The following BLM variants were observed in gnomAD, a reference collection of about 807,000 sequenced individuals.
BLM encodes BLM RecQ like helicase.
In BLM, 95 loss-of-function variants were observed where a neutral mutation model predicts 135.3. That is an observed-to-expected ratio of 0.70 (90% CI 0.59 to 0.83). The LOEUF is 0.83. BLM is among the 40% of genes least tolerant of loss of function. BLM has a pLI of 0.00. For synonymous variants in BLM, 520 were observed against 589.2 expected, an observed-to-expected ratio of 0.88 and a Z score of 1.70; for missense variants, 1,518 against 1,663.9, an observed-to-expected ratio of 0.91 and a Z score of 1.53.
chr15:90,738,206 C>G (rs889455615), intron 1 of BLM, among the ~76,000 whole-genome samples: 13 of 152,134 alleles, frequency 8.5e-5, no homozygotes, highest in Admixed American at 8.5e-4. Flanking sequence ...GATGGCCTCA[C>G]TGGTCATTTC....
chr15:90,724,841 A>G (rs1894867834), intron 1 of BLM, among the ~76,000 whole-genome samples: 1 of 152,076 alleles, frequency 6.6e-6, no homozygotes, highest in South Asian at 2.1e-4. Flanking sequence ...TTACCTAGAC[A>G]TGATTGATTA....
chr15:90,815,631 C>T lies in BLM; in HGVS notation c.*352C>T. 3.4e-6 allele frequency: 1 copy of T among 296,404 alleles called. No individual in the cohort carries two copies. The highest frequency in any genetic ancestry group is 6.6e-5 in the East Asian group (1 of 15,246). 18.4% of individuals were successfully genotyped at this position (296,404 alleles called of 1,614,324 possible). ...CTAAAGCTTTTCGTGTAAGACAACACAAACAAAATTTAAAGACAAATGACG... is the reference window on the plus strand; with the variant it reads ...CTAAAGCTTTTCGTGTAAGACAACATAAACAAAATTTAAAGACAAATGACG... On this transcript the variant is annotated 3_prime_UTR_variant, in exon 22 of 22. Coordinates refer to ENST00000355112, the MANE Select transcript of BLM (RefSeq NM_000057.4). The surrounding 1 kb of genome is among the most constrained non-coding windows in gnomAD (Gnocchi z 4.6).
chr15:90,747,334 T>A (rs1413581449), intron 1 of BLM, 55 bp from the exon 2 acceptor site: 2 of 1,380,300 alleles, frequency 1.4e-6, no homozygotes, highest in African/African-American at 2.9e-5. Context: ...CAAAAAACAT[T>A]GTGATTAATG....
At chr15:90,741,227 T>C (rs1337596373) in intron 1 of BLM, among the ~76,000 whole-genome samples, 4 of 152,246 alleles carry the variant, frequency 2.6e-5, no homozygotes, top group African/African-American at 4.8e-5. Flanking sequence ...TTGTGAAAGA[T>C]ATTTTTTCTG....
chr15:90,757,626 A>G (rs1040735806), intron 5 of BLM, among the ~76,000 whole-genome samples: 2 of 152,036 alleles, frequency 1.3e-5, no homozygotes, highest in Admixed American at 1.3e-4. Context: ...TCACCCTGCC[A>G]TCTTCACTCC....
chr15:90,757,033 CA>C (rs1247273223), intron 5 of BLM, among the ~76,000 whole-genome samples: 1 of 152,146 alleles, frequency 6.6e-6, no homozygotes, highest in East Asian at 1.9e-4. Context: ...TGTTATCTGC[CA>C]GTCTAGTAAT....
intron 1 of BLM, among the ~76,000 whole-genome samples, chr15:90,737,666 A>G (rs1895253869): frequency 6.6e-6 from 1 of 152,230 alleles, no homozygotes; most frequent in Non-Finnish European, 1.5e-5. Flanking sequence ...CATGGAATAC[A>G]GTGAAAGCAG....
At position 90,765,399 on chromosome 15, in the gene BLM, G is replaced by A; in HGVS notation, c.2178G>A (p.Lys726=). The change falls in exon 9 of 22, where the codon AAG becomes AAA. Residue 726 remains lysine (K), a synonymous_variant. Transcript: ENST00000355112. ...CACTTATCGTAGATCAAGTCCAAAA[G>A]CTGACTTCCTTGGATGTAAGTTATA... ...LRSLIVDQVQ[K]LTSLDIPATY... 1 of 1,605,582 alleles carries A rather than the reference G, an allele frequency of 6.2e-7. No homozygotes were observed. The highest frequency in any genetic ancestry group is 1.1e-5 in the South Asian group (1 of 90,890).
At position 90,760,742 on chromosome 15, in the gene BLM, C is replaced by T. The variant is rs1895954255; in HGVS notation, c.1369C>T (p.His457Tyr). ...TTCTATGAAGGAGTTAAATTTTTCA[C>T]ACCTTCCCTCAAATTCTGTTTCTCC... ...GNSMKELNFSHLPSNSVSPGD... is the reference protein window; with the variant it reads ...GNSMKELNFSYLPSNSVSPGD... The change falls in exon 7 of 22, where the codon CAC becomes TAC. Residue 457 changes from histidine to tyrosine, a missense_variant. Around this residue, in one of 5 missense-constraint regions of BLM, gnomAD observed 724 missense variants for 756.9 expected, o/e 0.96. Coordinates refer to ENST00000355112, the MANE Select transcript of BLM (RefSeq NM_000057.4). 6.2e-7 allele frequency: 1 copy of T among 1,614,078 alleles called. No homozygotes were observed. The highest frequency in any genetic ancestry group is 1.1e-5 in the South Asian group (1 of 91,074).
intron 9 of BLM, among the ~76,000 whole-genome samples, chr15:90,765,913 G>C (rs1208251990): frequency 2.0e-5 from 3 of 152,154 alleles, no homozygotes; most frequent in African/African-American, 4.8e-5. Flanking sequence ...AAGAATTCAA[G>C]ACCAGCCTGG....
At chr15:90,763,873 A>G (rs980857816) in intron 8 of BLM, among the ~76,000 whole-genome samples, 1 of 152,196 alleles carries the variant, frequency 6.6e-6, no homozygotes, top group African/African-American at 2.4e-5. Context: ...TTGCAGTTTC[A>G]GTACCTATGT....
At chr15:90,778,106 T>C (rs549177319) in intron 12 of BLM, among the ~76,000 whole-genome samples, 1 of 152,366 alleles carries the variant, frequency 6.6e-6, no homozygotes, top group African/African-American at 2.4e-5. Flanking sequence ...AAGGGTCTAT[T>C]AACTTTTTCA....
intron 14 of BLM, chr15:90,790,309 C>T (rs1019970551): frequency 1.7e-5 from 6 of 358,210 alleles, no homozygotes; most frequent in Non-Finnish European, 3.2e-5. Context: ...AGCAACACCC[C>T]CCACACCTCA....
intron 1 of BLM, among the ~76,000 whole-genome samples, chr15:90,732,953 C>T (rs1327177472): frequency 2.0e-5 from 3 of 152,044 alleles, no homozygotes; most frequent in Non-Finnish European, 4.4e-5. Context: ...CTTAGCCAGG[C>T]GTGGTGGCAT....
intron 1 of BLM, among the ~76,000 whole-genome samples, chr15:90,738,946 T>G (rs1180457773): frequency 6.6e-6 from 1 of 152,170 alleles, no homozygotes; most frequent in Non-Finnish European, 1.5e-5. Context: ...TAAACATAAA[T>G]TACCATATGA....
intron 3 of BLM, 105 bp from the exon 4 acceptor site, chr15:90,751,682 T>C: frequency 1.1e-6 from 1 of 911,880 alleles, no homozygotes; most frequent in Non-Finnish European, 1.8e-6. Context: ...AGTGGTGTGA[T>C]TGTTTGTGAC....
intron 1 of BLM, among the ~76,000 whole-genome samples, chr15:90,742,780 C>T (rs2151141697): frequency 6.6e-6 from 1 of 151,594 alleles, no homozygotes; most frequent in East Asian, 2.0e-4. Flanking sequence ...GGACTACAGG[C>T]ATGTGCCACC....
chr15:90,729,076 G>A (rs527358008), intron 1 of BLM, among the ~76,000 whole-genome samples: 18 of 152,154 alleles, frequency 1.2e-4, no homozygotes, highest in Non-Finnish European at 2.4e-4. Flanking sequence ...TTGAGAGGCC[G>A]AGGCGGGCAG....
At chr15:90,802,925 A>G (rs113224218) in intron 17 of BLM, among the ~76,000 whole-genome samples, 3 of 152,296 alleles carry the variant, frequency 2.0e-5, no homozygotes, top group African/African-American at 7.2e-5. Flanking sequence ...TATCTCATGT[A>G]CTACACAAAT....
Sources: allele counts gnomAD v4.1 joint callset (sites outside exome capture counted in the v4.1 genomes callset), GRCh38; gene constraint gnomAD v4.1.1; regional missense constraint gnomAD v4.1.1; non-coding constraint Gnocchi (gnomAD v3.1); transcripts MANE v1.5; gene names NCBI Gene and HGNC (gene_info 2026-07-23, HGNC 2026-07-21).